UBE2E2: variants seen among roughly 807,000 people sequenced by gnomAD.
The protein encoded by UBE2E2 is ubiquitin-conjugating enzyme E2 E2.
Under a neutral mutation model 24.7 loss-of-function variants are expected in UBE2E2, and 6 were observed. That is an observed-to-expected ratio of 0.24 (90% confidence interval 0.13 to 0.48). UBE2E2 has a LOEUF of 0.48. Among genes scored for constraint, UBE2E2 ranks in the 20% least tolerant of loss-of-function variants. The pLI, the probability that UBE2E2 is intolerant of heterozygous loss-of-function variation, is 0.99. For missense variants in UBE2E2, 169 were observed against 245.0 expected, an observed-to-expected ratio of 0.69 and a Z score of 2.07; for synonymous variants, 104 against 83.6, an observed-to-expected ratio of 1.24 and a Z score of -1.33.
intron 3 of UBE2E2, among the ~76,000 whole-genome samples, chr3:23,395,134 G>A (rs561086046): frequency 1.1e-4 from 16 of 152,234 alleles, no homozygotes; most frequent in Admixed American, 5.2e-4. Flanking sequence ...ATAGATGAAC[G>A]TGTTGAGAAC....
intron 3 of UBE2E2, among the ~76,000 whole-genome samples, chr3:23,354,977 C>T (rs1334736745): frequency 1.1e-4 from 16 of 151,926 alleles, no homozygotes; most frequent in African/African-American, 2.9e-4. Context: ...TTGGAACCAA[C>T]CCAAATGTCC....
chr3:23,404,444 C>T (rs1697308684), intron 3 of UBE2E2, among the ~76,000 whole-genome samples: 1 of 152,104 alleles, frequency 6.6e-6, no homozygotes, highest in Admixed American at 6.5e-5. Context: ...CCCATAAACT[C>T]TTATCATTCT....
intron 3 of UBE2E2, among the ~76,000 whole-genome samples, chr3:23,361,781 C>G (rs527364690): frequency 7.1e-6 from 1 of 140,270 alleles, no homozygotes; most frequent in East Asian, 1.9e-4. Flanking sequence ...TCCATGTAAC[C>G]AAAAACTACT....
Position 23,350,209 on chromosome 3 carries a change from G to A in UBE2E2, c.227+132897G>A, listed in dbSNP as rs536789213. ...TAGAAGGAAAACTAACAAACAGAAG[G>A]GACATCCACACCAAAAACCCATCTG... On this transcript the variant is annotated intron_variant, in intron 3 of 5. Transcript: ENST00000396703. Among the ~76,000 whole-genome samples the A allele has an allele frequency of 8.9e-4, 135 of 152,246 alleles. No individual in the cohort carries two copies. In the Middle Eastern group the frequency reaches 0.01, roughly 12 times the overall value.
intron 3 of UBE2E2, among the ~76,000 whole-genome samples, chr3:23,352,995 A>G (rs532054798): frequency 8.3e-4 from 126 of 152,258 alleles, no homozygotes; most frequent in African/African-American, 2.0e-3. Flanking sequence ...ATAAAATACT[A>G]GCAAACCGAA....
intron 3 of UBE2E2, among the ~76,000 whole-genome samples, chr3:23,222,565 CTCT>C (rs1193076249): frequency 1.3e-5 from 2 of 152,318 alleles, no homozygotes; most frequent in African/African-American, 4.8e-5. Flanking sequence ...TCTCATTCTT[CTCT>C]TGTCTGCCAC....
At chr3:23,489,658 C>G (rs1699453971) in intron 3 of UBE2E2, among the ~76,000 whole-genome samples, 1 of 152,164 alleles carries the variant, frequency 6.6e-6, no homozygotes. Flanking sequence ...GTAATGCGAA[C>G]AATGGGGAGA....
At chr3:23,568,805 T>A (rs1352166245) in intron 5 of UBE2E2, among the ~76,000 whole-genome samples, 1 of 151,128 alleles carries the variant, frequency 6.6e-6, no homozygotes, top group Non-Finnish European at 1.5e-5. Context: ...TAATGCAGAA[T>A]AAGCTATTCT....
chr3:23,305,602 A>G (rs1470245535), intron 3 of UBE2E2, among the ~76,000 whole-genome samples: 1 of 152,172 alleles, frequency 6.6e-6, no homozygotes, highest in Non-Finnish European at 1.5e-5. Context: ...GACTCCCTGA[A>G]AAGGTCTCTG....
Position 23,591,672 on chromosome 3 carries a change from A to T in UBE2E2, c.*1841A>T, listed in dbSNP as rs1337022020. On this transcript the variant is annotated 3_prime_UTR_variant, in exon 6 of 6. Coordinates refer to ENST00000396703, the MANE Select transcript of UBE2E2 (RefSeq NM_152653.4). ...CCACCATAGGCATGGGATTTGGCCC[A>T]TGGGTTGTAGTTTGCCAATCCCTGA... 1 of 152,204 alleles carries T rather than the reference A, an allele frequency of 6.6e-6. No homozygotes were observed. The highest frequency in any genetic ancestry group is 2.4e-5 in the African/African-American group (1 of 41,458). The allele number at this position is 152,204 out of a possible 1,614,324, so 9.4% of individuals were successfully genotyped here. A position where few individuals can be genotyped will look rare whatever the true frequency, so the allele number is the denominator to read the frequency against.
chr3:23,460,582 A>G (rs190091398), intron 3 of UBE2E2, among the ~76,000 whole-genome samples: 29 of 152,322 alleles, frequency 1.9e-4, no homozygotes, highest in Middle Eastern at 3.4e-3. Context: ...ATAAATACCG[A>G]TAATATAAAG....
At chr3:23,363,711 A>G in intron 3 of UBE2E2, among the ~76,000 whole-genome samples, 1 of 152,212 alleles carries the variant, frequency 6.6e-6, no homozygotes. Context: ...AGAGTTCAAC[A>G]ACCCACTGAC....
intron 4 of UBE2E2, among the ~76,000 whole-genome samples, chr3:23,517,416 C>T (rs1694767166): frequency 6.6e-6 from 1 of 152,162 alleles, no homozygotes; most frequent in African/African-American, 2.4e-5. Context: ...CACCTCCCAT[C>T]TCAGACTCCC....
chr3:23,296,555 G>A lies in UBE2E2; in HGVS notation c.227+79243G>A, dbSNP rs571576566. 7.9e-4 allele frequency among the ~76,000 whole-genome samples: 120 copies of A among 152,176 alleles called. 1 individual carries two copies. Among genetic ancestry groups the A allele is most frequent in the African/African-American group, 2.6e-3 (107 of 41,502 alleles). On this transcript the variant is annotated intron_variant, in intron 3 of 5. Coordinates refer to ENST00000396703, the MANE Select transcript of UBE2E2 (RefSeq NM_152653.4). ...TTCCCACCTATAACTGAGAACATGCGGTGTTTGGTTTTTTGTCCTTGCGAT... is the reference window on the plus strand; with the variant it reads ...TTCCCACCTATAACTGAGAACATGCAGTGTTTGGTTTTTTGTCCTTGCGAT...
At chr3:23,358,758 G>T (rs1696035349) in intron 3 of UBE2E2, among the ~76,000 whole-genome samples, 1 of 152,200 alleles carries the variant, frequency 6.6e-6, no homozygotes, top group Non-Finnish European at 1.5e-5. Context: ...GCTATGGAAA[G>T]CAAAAAAGCT....
At chr3:23,574,213 A>T (rs1455837094) in intron 5 of UBE2E2, among the ~76,000 whole-genome samples, 1 of 152,184 alleles carries the variant, frequency 6.6e-6, no homozygotes, top group African/African-American at 2.4e-5. Context: ...AAGAATGGTT[A>T]CCAGAGGCTG....
At chr3:23,262,242 G>T (rs1380606470) in intron 3 of UBE2E2, among the ~76,000 whole-genome samples, 2 of 151,968 alleles carry the variant, frequency 1.3e-5, no homozygotes, top group African/African-American at 4.8e-5. Context: ...TTGGCCATTT[G>T]TATTTCTTTT....
chr3:23,355,691 A>T (rs1207652803), intron 3 of UBE2E2, among the ~76,000 whole-genome samples: 1 of 152,200 alleles, frequency 6.6e-6, no homozygotes, highest in Non-Finnish European at 1.5e-5. Flanking sequence ...AGTTTAAATT[A>T]TAAATTACTG....
At chr3:23,302,314 C>T (rs912290342) in intron 3 of UBE2E2, among the ~76,000 whole-genome samples, 3 of 152,200 alleles carry the variant, frequency 2.0e-5, no homozygotes, top group African/African-American at 7.2e-5. Context: ...CCTATCCAAC[C>T]ATATTTCCCA....
Sources: gnomAD v4.1 joint callset for allele counts (sites outside exome capture counted in the v4.1 genomes callset) on GRCh38, gnomAD v4.1.1 for gene constraint, MANE v1.5 for transcripts, NCBI Gene and HGNC (gene_info 2026-07-23, HGNC 2026-07-21) for gene names.